AK5: variants seen among roughly 807,000 people sequenced by gnomAD.
The protein encoded by AK5 is adenylate kinase 5.
AK5 carries 27 observed loss-of-function variants against 69.5 expected under a neutral mutation model. The ratio of observed to expected loss-of-function variants is 0.39; its 90% CI spans 0.29 to 0.54. The LOEUF (loss-of-function observed/expected upper bound fraction) is 0.54, where lower values mean the gene tolerates loss of function less well. AK5 is among the 20% of genes least tolerant of loss of function. The pLI, the probability that AK5 is intolerant of heterozygous loss-of-function variation, is 0.71. For synonymous variants in AK5, 260 were observed against 244.4 expected, an observed-to-expected ratio of 1.06 and a Z score of -0.60; for missense variants, 531 against 700.4, an observed-to-expected ratio of 0.76 and a Z score of 2.73.
rs1553164078 is a variant in AK5, at chr1:77,558,476, T to TTG, written c.1621-125_1621-124dup. Reference sequence around the variant, plus strand: ...TACTCTTCACTTTTTTCTCTGTGTTTTGGGGGGGGTCTTGTGTTTTAAAAT... The same window carrying TTG: ...TACTCTTCACTTTTTTCTCTGTGTTTTGTGGGGGGGGTCTTGTGTTTTAAAAT... On this transcript the variant is annotated intron_variant, in intron 13 of 13. Transcript: ENST00000354567. 34 of 476,142 alleles carry TTG rather than the reference T, an allele frequency of 7.1e-5. No individual in the cohort carries two copies. The African/African-American group carries it at 7.7e-4, about 11-fold the overall frequency. The allele number at this position is 476,142 out of a possible 1,614,324, so 29.5% of individuals were successfully genotyped here.
intron 8 of AK5, among the ~76,000 whole-genome samples, chr1:77,429,799 A>T (rs1651476150): frequency 6.6e-6 from 1 of 152,200 alleles, no homozygotes; most frequent in African/African-American, 2.4e-5. Flanking sequence ...GATTGGTCAT[A>T]GGTAACCAAG....
chr1:77,341,850 A>G (rs2100385987), intron 6 of AK5, among the ~76,000 whole-genome samples: 1 of 152,202 alleles, frequency 6.6e-6, no homozygotes, highest in Non-Finnish European at 1.5e-5. Context: ...ATCAGGGTGG[A>G]TGCTTCTGTG....
At chr1:77,319,294 C>A (rs1036636308) in intron 5 of AK5, among the ~76,000 whole-genome samples, 1 of 152,210 alleles carries the variant, frequency 6.6e-6, no homozygotes, top group African/African-American at 2.4e-5. Flanking sequence ...CAGCTGCAAG[C>A]CAGAGATCAA....
intron 6 of AK5, among the ~76,000 whole-genome samples, chr1:77,389,522 G>GA (rs1191493351): frequency 3.9e-5 from 6 of 152,036 alleles, no homozygotes; most frequent in Non-Finnish European, 8.8e-5. Flanking sequence ...GATGACTGCA[G>GA]AAAAAAGGAA....
At chr1:77,433,777 T>A (rs1651787685) in intron 8 of AK5, among the ~76,000 whole-genome samples, 1 of 151,234 alleles carries the variant, frequency 6.6e-6, no homozygotes, top group Non-Finnish European at 1.5e-5. Flanking sequence ...ATAAATAGGC[T>A]ATAAAATTTT....
At position 77,367,424 on chromosome 1, in the gene AK5, GCCATCCT is replaced by G. The variant is rs1445799565; in HGVS notation, c.891+26859_891+26865del. On this transcript the variant is annotated intron_variant, in intron 6 of 13. Transcript: ENST00000354567. Reference sequence around the variant, plus strand: ...GCCCACTGAGACCTCCCAGGCTCAAGCCATCCTCCTACCTCAGTTTCCCAAGTAGCTA... The same window carrying G: ...GCCCACTGAGACCTCCCAGGCTCAAGCCTACCTCAGTTTCCCAAGTAGCTA... Among the ~76,000 whole-genome samples the G allele has an allele frequency of 2.1e-5, 3 of 145,290 alleles. No homozygotes were observed. In the Admixed American group the frequency reaches 2.2e-4, roughly 10 times the overall value.
At chr1:77,473,696 T>C (rs12754926) in intron 8 of AK5, among the ~76,000 whole-genome samples, 61,472 of 152,168 alleles carry the variant, frequency 0.4, 13,140 homozygotes, top group South Asian at 0.53. Flanking sequence ...TTACTTAGCA[T>C]GTCTCTGTTA....
intron 8 of AK5, among the ~76,000 whole-genome samples, chr1:77,470,834 TA>T (rs1557615384): frequency 0.044 from 63 of 1,420 alleles, 3 homozygotes; most frequent in Admixed American, 0.092. Context: ...AGAATATATA[TA>T]TATATATATA....
chr1:77,390,052 G>A (rs1320604183), intron 6 of AK5, among the ~76,000 whole-genome samples: 1 of 152,194 alleles, frequency 6.6e-6, no homozygotes, highest in Non-Finnish European at 1.5e-5. Context: ...TCAGGAGTGA[G>A]AAGAGGGTCT....
At chr1:77,491,200 T>A (rs1207110999) in intron 10 of AK5, among the ~76,000 whole-genome samples, 1 of 151,954 alleles carries the variant, frequency 6.6e-6, no homozygotes, top group Non-Finnish European at 1.5e-5. Flanking sequence ...ACTGGAGTAA[T>A]AAGAATTTTT....
At chr1:77,471,706 G>A (rs1426629406) in intron 8 of AK5, among the ~76,000 whole-genome samples, 1 of 152,174 alleles carries the variant, frequency 6.6e-6, no homozygotes, top group African/African-American at 2.4e-5. Context: ...GCCACATAAG[G>A]TGGCATTAAC....
rs1380327110 is a variant in AK5, at chr1:77,521,822, T to C, written c.1312-5T>C. 1 of 1,612,156 alleles carries C rather than the reference T, an allele frequency of 6.2e-7. No individual in the cohort carries two copies. The highest frequency in any genetic ancestry group is 2.2e-5 in the East Asian group (1 of 44,822). On this transcript the variant is annotated splice_polypyrimidine_tract_variant and splice_region_variant and intron_variant, in intron 11 of 13. Coordinates refer to ENST00000354567, the MANE Select transcript of AK5 (RefSeq NM_174858.3). ...CAGGTCCTGACCACTCTCGCTTTGC[T>C]CCAGGGCATCGTTTTGGAGCTCCTG...
intron 5 of AK5, among the ~76,000 whole-genome samples, chr1:77,323,281 C>T (rs1570377814): frequency 6.6e-6 from 1 of 152,112 alleles, no homozygotes; most frequent in East Asian, 1.9e-4. Flanking sequence ...TGTGAACCAA[C>T]GCACCCAGCC....
intron 6 of AK5, among the ~76,000 whole-genome samples, chr1:77,399,731 G>A (rs953671776): frequency 1.3e-5 from 2 of 152,188 alleles, no homozygotes; most frequent in Non-Finnish European, 2.9e-5. Flanking sequence ...GAGGGAGACC[G>A]AATAGTGATG....
intron 13 of AK5, among the ~76,000 whole-genome samples, chr1:77,558,243 A>G (rs564533833): frequency 6.6e-6 from 1 of 152,308 alleles, no homozygotes; most frequent in African/African-American, 2.4e-5. Flanking sequence ...GCTAAAAAGT[A>G]TGGTAAGAGT....
chr1:77,547,322 GGAGTGCAGTGGCACGATCTC>G (rs1177492858), intron 13 of AK5, among the ~76,000 whole-genome samples: 2 of 127,884 alleles, frequency 1.6e-5, no homozygotes, highest in African/African-American at 5.8e-5. Flanking sequence ...TCACCAGGCT[GGAGTGCAGTGGCACGATCTC>G]AGCTCACTGC....
chr1:77,407,521 GGGCATGAGGAGTCTTTGGGGGGT>G (rs1649739253), intron 6 of AK5, among the ~76,000 whole-genome samples: 1 of 152,072 alleles, frequency 6.6e-6, no homozygotes, highest in Non-Finnish European at 1.5e-5. Flanking sequence ...GATTCCAAAG[GGGCATGAGGAGTCTTTGGGGGGT>G]GATGGGTATG....
chr1:77,428,399 C>G (rs537097131), intron 8 of AK5, among the ~76,000 whole-genome samples: 1 of 152,166 alleles, frequency 6.6e-6, no homozygotes, highest in Non-Finnish European at 1.5e-5. Context: ...TTCAGCTATC[C>G]AGAGGAACAA....
chr1:77,312,336 T>G (rs1411994960), intron 5 of AK5, among the ~76,000 whole-genome samples: 4 of 152,050 alleles, frequency 2.6e-5, no homozygotes, highest in Non-Finnish European at 5.9e-5. Flanking sequence ...AATCTAAGGC[T>G]GGACATGGTG....
Sources: gnomAD v4.1 joint callset for allele counts (sites outside exome capture counted in the v4.1 genomes callset) on GRCh38, gnomAD v4.1.1 for gene constraint, MANE v1.5 for transcripts, NCBI Gene and HGNC (gene_info 2026-07-23, HGNC 2026-07-21) for gene names.